CACNA1A: variants seen among roughly 807,000 people sequenced by gnomAD.
CACNA1A encodes the protein calcium voltage-gated channel subunit alpha1 A.
CACNA1A carries 57 observed loss-of-function variants against 262.4 expected under a neutral mutation model. The ratio of observed to expected loss-of-function variants is 0.22; its 90% CI spans 0.18 to 0.27. The LOEUF (loss-of-function observed/expected upper bound fraction) is 0.27, where lower values mean the gene tolerates loss of function less well. Among genes scored for constraint, CACNA1A ranks in the 10% least tolerant of loss-of-function variants. The probability of loss-of-function intolerance (pLI) is 1.00; values close to 1 mark genes in which losing one functional copy is unlikely to be tolerated. For synonymous variants in CACNA1A, 1,431 were observed against 1,419.3 expected (o/e 1.01, Z -0.18); for missense variants, 2,526 against 3,562.8 (o/e 0.71, Z 7.41).
At chr19:13,283,540 G>A (rs947364350) in intron 21 of CACNA1A, 144 bp from the exon 22 acceptor site, 1 of 1,063,238 alleles carries the variant, frequency 9.4e-7, no homozygotes, top group Non-Finnish European at 1.3e-6. Flanking sequence ...AACTCCTCCA[G>A]GTGGGGGCCC....
intron 1 of CACNA1A, among the ~76,000 whole-genome samples, chr19:13,473,252 C>CAAA (rs749694968): frequency 2.1e-4 from 21 of 99,402 alleles, no homozygotes; most frequent in African/African-American, 5.2e-4. Context: ...GAGGCCCTGA[C>CAAA]AAAAAAAAAA....
chr19:13,312,118 A>G (rs1194701987), intron 12 of CACNA1A, among the ~76,000 whole-genome samples: 1 of 152,206 alleles, frequency 6.6e-6, no homozygotes, highest in Non-Finnish European at 1.5e-5. Context: ...GATTGGACGT[A>G]GATTATTCTC....
chr19:13,368,622 C>T (rs2144542484), intron 4 of CACNA1A, among the ~76,000 whole-genome samples: 1 of 152,348 alleles, frequency 6.6e-6, no homozygotes, highest in South Asian at 2.1e-4. Context: ...AACATATAGC[C>T]TGAGGCTTTG....
Position 13,307,869 on chromosome 19 carries a change from C to A in CACNA1A, c.1914-15G>T. On this transcript the variant is annotated splice_polypyrimidine_tract_variant and intron_variant, in intron 14 of 46. Coordinates refer to ENST00000360228, the MANE Select transcript of CACNA1A (RefSeq NM_001127222.2). ...CGAAATTAAACCTGCAGGGAGGACACAGACATTTCACGTTGGCCCCACCCG... is the reference window on the plus strand; with the variant it reads ...CGAAATTAAACCTGCAGGGAGGACAAAGACATTTCACGTTGGCCCCACCCG... 6.2e-7 allele frequency: 1 copy of A among 1,612,436 alleles called. No individual in the cohort carries two copies. The highest frequency in any genetic ancestry group is 2.2e-5 in the East Asian group (1 of 44,870).
Position 13,415,743 on chromosome 19 carries a change from TAAAAAAAAAAA to T in CACNA1A, c.539+37122_539+37132del, listed in dbSNP as rs71170510. Among the ~76,000 whole-genome samples the T allele has an allele frequency of 4.1e-3, 173 of 42,508 alleles. 5 individuals carry two copies. The highest frequency in any genetic ancestry group is 0.021 in the Middle Eastern group (1 of 48). 27.9% of individuals were successfully genotyped at this position (42,508 alleles called of 152,430 possible). On this transcript the variant is annotated intron_variant, in intron 3 of 46. Coordinates refer to ENST00000360228, the MANE Select transcript of CACNA1A (RefSeq NM_001127222.2). ...CAACAGAGCGAGACTCTGTCTCAAT[TAAAAAAAAAAA>T]AAAAAAAAAAAAAAAAAAAGTAGAT...
chr19:13,439,684 T>G (rs1173749728), intron 3 of CACNA1A, among the ~76,000 whole-genome samples: 4 of 152,126 alleles, frequency 2.6e-5, no homozygotes, highest in Non-Finnish European at 4.4e-5. Context: ...GTGCTGGGAT[T>G]ACAGGCGTGG....
rs2059928439 is a variant in CACNA1A at position 13,402,869 on chromosome 19, C to T, written c.540-31090G>A. On this transcript the variant is annotated intron_variant, in intron 3 of 46. Transcript: ENST00000360228. ...ACACATATATATATACACACACACA[C>T]ACACATATATATATATATATATATA... Among the ~76,000 whole-genome samples the T allele has an allele frequency of 3.0e-4, 23 of 75,672 alleles. No individual in the cohort carries two copies. The East Asian group carries it at 4.5e-3, about 15-fold the overall frequency. 49.6% of individuals were successfully genotyped at this position (75,672 alleles called of 152,430 possible).
intron 1 of CACNA1A, among the ~76,000 whole-genome samples, chr19:13,487,101 C>A (rs368581773): frequency 6.6e-6 from 1 of 152,210 alleles, no homozygotes. Flanking sequence ...GACCTGTGGG[C>A]CGCCTGCCAC....
At chr19:13,221,560 C>T (rs1568432970) in intron 38 of CACNA1A, among the ~76,000 whole-genome samples, 1 of 151,936 alleles carries the variant, frequency 6.6e-6, no homozygotes, top group Non-Finnish European at 1.5e-5. Context: ...GCCTGTCTCT[C>T]TGCCCTGCTG....
chr19:13,477,808 G>A (rs538290242), intron 1 of CACNA1A, among the ~76,000 whole-genome samples: 3 of 152,312 alleles, frequency 2.0e-5, no homozygotes, highest in Admixed American at 1.3e-4. Context: ...TGATCTGAAT[G>A]TTCTATAGAA....
At chr19:13,389,390 C>G (rs1394926277) in intron 3 of CACNA1A, among the ~76,000 whole-genome samples, 1 of 152,050 alleles carries the variant, frequency 6.6e-6, no homozygotes, top group Non-Finnish European at 1.5e-5. Context: ...GTACCTGCCC[C>G]TAACAGACCT....
At chr19:13,217,490 ATTG>A (rs1036165706) in intron 38 of CACNA1A, among the ~76,000 whole-genome samples, 1 of 152,142 alleles carries the variant, frequency 6.6e-6, no homozygotes, top group African/African-American at 2.4e-5. Context: ...TCACTCTTCC[ATTG>A]TTGTCCCCAC....
intron 9 of CACNA1A, among the ~76,000 whole-genome samples, chr19:13,331,434 G>A (rs562020000): frequency 2.6e-5 from 4 of 151,936 alleles, no homozygotes; most frequent in African/African-American, 4.8e-5. Flanking sequence ...ATGGGGTTTC[G>A]CCATGATGGC....
chr19:13,432,103 C>CAATAAAAAAAAAAAAAA (rs2060517102), intron 3 of CACNA1A, among the ~76,000 whole-genome samples: 1 of 64,412 alleles, frequency 1.6e-5, no homozygotes, highest in African/African-American at 6.2e-5. Context: ...GACTCCGTCT[C>CAATAAAAAAAAAAAAAA]AAAAAAAAAA....
At chr19:13,354,868 T>C (rs2058978122) in intron 6 of CACNA1A, among the ~76,000 whole-genome samples, 1 of 96,518 alleles carries the variant, frequency 1.0e-5, no homozygotes. Flanking sequence ...CTTTTCTTTT[T>C]CTTTTTTTTT....
chr19:13,299,213 T>A lies in CACNA1A; in HGVS notation c.2420A>T (p.Tyr807Phe). 6.2e-7 allele frequency: 1 copy of A among 1,611,810 alleles called. No individual in the cohort carries two copies. The highest frequency in any genetic ancestry group is 8.5e-7 in the Non-Finnish European group (1 of 1,179,880). The change falls in exon 19 of 47, where the codon TAC (tyrosine) becomes TTC (phenylalanine). Residue 807 changes from tyrosine (Y) to phenylalanine (F), a missense_variant. By Grantham distance (22) the Tyr-to-Phe change is conservative. Around this residue, in one of 17 missense-constraint regions of CACNA1A, gnomAD observed 765 missense variants for 748.6 expected, o/e 1.02. Transcript: ENST00000360228. ...CATGTCTGGCCGCAGGTGCCGCGTG[T>A]AGGCAGCCTTCCAGCGCTCGTCCGG... ...MDPDERWKAA[Y>F]TRHLRPDMKT...
At chr19:13,230,894 A>G (rs543468567) in intron 35 of CACNA1A, among the ~76,000 whole-genome samples, 19 of 152,202 alleles carry the variant, frequency 1.2e-4, no homozygotes, top group Admixed American at 2.6e-4. Context: ...GGCTTCTGAA[A>G]CAGGGACCAA....
intron 10 of CACNA1A, among the ~76,000 whole-genome samples, chr19:13,327,161 G>A (rs1322635947): frequency 6.6e-6 from 1 of 152,084 alleles, no homozygotes; most frequent in Admixed American, 6.6e-5. Context: ...GATTACAGGC[G>A]TGAGCCACCA....
chr19:13,446,424 C>A (rs182843640), intron 3 of CACNA1A, among the ~76,000 whole-genome samples: 1 of 148,058 alleles, frequency 6.8e-6, no homozygotes, highest in Admixed American at 6.8e-5. Context: ...TGTGTGTGTG[C>A]GCGCGTGTTT....
Sources: allele counts gnomAD v4.1 joint callset (sites outside exome capture counted in the v4.1 genomes callset), GRCh38; gene constraint gnomAD v4.1.1; regional missense constraint gnomAD v4.1.1; transcripts MANE v1.5; gene names NCBI Gene and HGNC (gene_info 2026-07-23, HGNC 2026-07-21).